The following ZFHX3 variants were observed in gnomAD, a reference collection of about 807,000 sequenced individuals.
The protein encoded by ZFHX3 is zinc finger homeobox protein 3.
A neutral mutation model predicts 279.1 loss-of-function variants in ZFHX3; 42 were observed. The ratio of observed to expected loss-of-function variants is 0.15; its 90% CI spans 0.12 to 0.19. The LOEUF (loss-of-function observed/expected upper bound fraction) is 0.19. Among genes scored for constraint, ZFHX3 ranks in the 10% least tolerant of loss-of-function variants. ZFHX3 has a pLI of 1.00. For synonymous variants in ZFHX3, 2,293 were observed against 1,957.8 expected, an observed-to-expected ratio of 1.17 and a Z score of -4.52; for missense variants, 4,981 against 4,754.0, an observed-to-expected ratio of 1.05 and a Z score of -1.40.
rs528301846 is a variant in ZFHX3 at position 73,764,974 on chromosome 16, C to T, written c.-1607-84734G>A. ...TTATCTCAACGCCTGGATCAGGATACACAGTTTGATCTGAAGACTCTTTTC... is the reference window on the plus strand; with the variant it reads ...TTATCTCAACGCCTGGATCAGGATATACAGTTTGATCTGAAGACTCTTTTC... On this transcript the variant is annotated intron_variant, in intron 1 of 17. Transcript: ENST00000641206. Among the ~76,000 whole-genome samples, 74 of 152,316 alleles carry T rather than the reference C, an allele frequency of 4.9e-4. 1 individual carries two copies. The highest frequency in any genetic ancestry group is 4.4e-3 in the South Asian group (21 of 4,822).
chr16:73,418,865 G>A (rs1359949087), intron 3 of ZFHX3, among the ~76,000 whole-genome samples: 1 of 152,210 alleles, frequency 6.6e-6, no homozygotes. Context: ...ACTTTTTCAC[G>A]TCCTCCCTGA....
At chr16:72,904,398 ATAAATAAAT>A (rs969858036) in intron 3 of ZFHX3, among the ~76,000 whole-genome samples, 2 of 150,986 alleles carry the variant, frequency 1.3e-5, no homozygotes, top group African/African-American at 4.9e-5. Flanking sequence ...AAATAAATAA[ATAAATAAAT>A]AAATAAATAA....
chr16:73,087,576 G>T (rs1966023562), intron 8 of ZFHX3, among the ~76,000 whole-genome samples: 1 of 152,176 alleles, frequency 6.6e-6, no homozygotes, highest in African/African-American at 2.4e-5. Flanking sequence ...CCTGAGAGAT[G>T]ATTATAACTC....
In ZFHX3 at chr16:72,950,546, A is replaced by G. The variant is rs1321334086; in HGVS notation, c.3139T>C (p.Tyr1047His). 6.2e-7 allele frequency: 1 copy of G among 1,614,088 alleles called. No homozygotes were observed. The highest frequency in any genetic ancestry group is 8.5e-7 in the Non-Finnish European group (1 of 1,180,050). ...AGCTTCTCCAGGCTGTTGGTGTAGT[A>G]GTCACAGGCGTTGCACTTGAGGTGC... ...PVHLKCNACD[Y>H]YTNSLEKLRL... Residue 1047 changes from tyrosine (Y) to histidine (H), a missense_variant, in exon 3 of 10, where the codon TAC becomes CAC. By Grantham distance (83) the Tyr-to-His change is moderately conservative (BLOSUM62 2). Coordinates refer to ENST00000268489, the MANE Select transcript of ZFHX3 (RefSeq NM_006885.4).
rs747010178 is a variant in ZFHX3, at chr16:72,788,645, G to A, written c.9631C>T (p.Pro3211Ser). The A allele has an allele frequency of 1.2e-6, 2 of 1,613,390 alleles. No homozygotes were observed. The highest frequency in any genetic ancestry group is 1.7e-6 in the Non-Finnish European group (2 of 1,179,792). The change falls in exon 10 of 10, where the codon CCC becomes TCC. Residue 3211 changes from proline (P) to serine (S), a missense_variant. Physicochemically the swap from Pro to Ser is moderately conservative, Grantham distance 74 (BLOSUM62 -1). Coordinates refer to ENST00000268489, the MANE Select transcript of ZFHX3 (RefSeq NM_006885.4). ...QQQQPQVQQP[P>S]PPPAAQPPPT... ...GGCGGCTGGGCTGCTGGCGGCGGGG[G>A]AGGCTGCTGCACCTGTGGTTGCTGC...
chr16:73,223,488 T>A (rs1169557549), intron 5 of ZFHX3, among the ~76,000 whole-genome samples: 1 of 152,108 alleles, frequency 6.6e-6, no homozygotes, highest in Non-Finnish European at 1.5e-5. Context: ...TCATATATCA[T>A]CAAGAAAGTG....
intron 7 of ZFHX3, among the ~76,000 whole-genome samples, chr16:73,107,946 G>C (rs1328622308): frequency 6.6e-6 from 1 of 152,144 alleles, no homozygotes; most frequent in Non-Finnish European, 1.5e-5. Flanking sequence ...CGGATCACGA[G>C]GTCAGGAGAT....
chr16:72,952,069 G>C (rs1293865966), intron 2 of ZFHX3, among the ~76,000 whole-genome samples: 1 of 152,092 alleles, frequency 6.6e-6, no homozygotes, highest in Non-Finnish European at 1.5e-5. Context: ...TGAGCAACAT[G>C]GTGTACAAAA....
At chr16:73,472,855 G>T (rs928099246) in intron 2 of ZFHX3, among the ~76,000 whole-genome samples, 4 of 152,174 alleles carry the variant, frequency 2.6e-5, no homozygotes, top group South Asian at 4.2e-4. Context: ...CCAGAAGCAT[G>T]GTTCCTTCTA....
chr16:73,760,780 A>G (rs985381475), intron 1 of ZFHX3, among the ~76,000 whole-genome samples: 1 of 152,158 alleles, frequency 6.6e-6, no homozygotes, highest in Non-Finnish European at 1.5e-5. Flanking sequence ...ACATCCCTTC[A>G]TGTTAAAACT....
intron 4 of ZFHX3, among the ~76,000 whole-genome samples, chr16:72,830,467 A>G (rs570014134): frequency 2.0e-5 from 3 of 152,390 alleles, no homozygotes; most frequent in South Asian, 4.1e-4. Flanking sequence ...TGAACATGCC[A>G]GGAGGCAGTG....
chr16:73,728,455 T>C (rs937776038), intron 1 of ZFHX3, among the ~76,000 whole-genome samples: 14 of 152,336 alleles, frequency 9.2e-5, no homozygotes, highest in Middle Eastern at 3.4e-3. Flanking sequence ...AGATAGAGAA[T>C]AGTCCCATCA....
intron 2 of ZFHX3, among the ~76,000 whole-genome samples, chr16:73,457,297 A>G (rs2018389204): frequency 6.6e-6 from 1 of 152,196 alleles, no homozygotes. Context: ...GGCATCAGGA[A>G]TGGAGACCAT....
intron 5 of ZFHX3, among the ~76,000 whole-genome samples, chr16:73,192,999 T>C (rs1029118999): frequency 1.3e-5 from 2 of 152,168 alleles, no homozygotes; most frequent in Non-Finnish European, 2.9e-5. Flanking sequence ...TTGGGTTGTT[T>C]TGAGGATTAA....
chr16:73,754,935 G>C (rs1180410522), intron 1 of ZFHX3, among the ~76,000 whole-genome samples: 1 of 152,060 alleles, frequency 6.6e-6, no homozygotes, highest in African/African-American at 2.4e-5. Context: ...CTAGATGATA[G>C]TAACAATAAC....
intron 2 of ZFHX3, among the ~76,000 whole-genome samples, chr16:73,673,467 T>C (rs548990736): frequency 1.1e-4 from 16 of 152,220 alleles, no homozygotes; most frequent in African/African-American, 3.6e-4. Context: ...AGGAACCTCA[T>C]TCTCTTCCCC....
intron 1 of ZFHX3, among the ~76,000 whole-genome samples, chr16:73,858,913 C>T (rs1026280402): frequency 5.3e-5 from 8 of 152,282 alleles, no homozygotes; most frequent in East Asian, 3.9e-4. Context: ...GAACTAACCA[C>T]GCACCATCTT....
intron 1 of ZFHX3, among the ~76,000 whole-genome samples, chr16:73,004,259 C>G (rs1410724521): frequency 6.8e-6 from 1 of 146,430 alleles, no homozygotes; most frequent in Non-Finnish European, 1.5e-5. Flanking sequence ...CCCACCTCAG[C>G]CTCCCAAAGT....
At chr16:73,495,038 A>G (rs559861653) in intron 2 of ZFHX3, among the ~76,000 whole-genome samples, 3 of 152,354 alleles carry the variant, frequency 2.0e-5, no homozygotes, top group South Asian at 2.1e-4. Context: ...AGGAAACAGC[A>G]TAACAGGGAA....
Sources: gnomAD v4.1 joint callset for allele counts (sites outside exome capture counted in the v4.1 genomes callset) on GRCh38, gnomAD v4.1.1 for gene constraint, MANE v1.5 for transcripts, NCBI Gene and HGNC (gene_info 2026-07-23, HGNC 2026-07-21) for gene names.